Variants in NFIA observed in about 807,000 individuals in gnomAD.
NFIA encodes nuclear factor I A.
In NFIA, 8 loss-of-function variants were observed where a neutral mutation model predicts 62.8. That is an observed-to-expected ratio of 0.13 (90% CI 0.07 to 0.23). The LOEUF (loss-of-function observed/expected upper bound fraction) is 0.23. Ranked by LOEUF, NFIA falls within the 10% of genes least tolerant of loss-of-function variation. NFIA has a pLI of 1.00. For missense variants in NFIA, 410 were observed against 642.1 expected, an observed-to-expected ratio of 0.64 and a Z score of 3.91; for synonymous variants, 235 against 238.1, an observed-to-expected ratio of 0.99 and a Z score of 0.12.
intron 2 of NFIA, among the ~76,000 whole-genome samples, chr1:61,104,676 T>A (rs2100442293): frequency 6.6e-6 from 1 of 152,154 alleles, no homozygotes; most frequent in East Asian, 1.9e-4. Flanking sequence ...CATAAAGTGT[T>A]TCTGTCTGGC....
intron 4 of NFIA, among the ~76,000 whole-genome samples, chr1:61,337,933 A>G (rs554942525): frequency 2.8e-4 from 43 of 152,292 alleles, no homozygotes; most frequent in Middle Eastern, 3.4e-3. Flanking sequence ...TTTCCTTCCA[A>G]ATTGCTGACT....
At chr1:61,194,643 T>C (rs1316198189) in intron 2 of NFIA, among the ~76,000 whole-genome samples, 1 of 152,146 alleles carries the variant, frequency 6.6e-6, no homozygotes, top group Non-Finnish European at 1.5e-5. Flanking sequence ...TGGAAAGAAA[T>C]ATGGCCTTGA....
intron 2 of NFIA, among the ~76,000 whole-genome samples, chr1:61,163,869 C>T (rs1649389375): frequency 6.6e-6 from 1 of 152,150 alleles, no homozygotes; most frequent in Non-Finnish European, 1.5e-5. Context: ...GCCCATGTCC[C>T]ATTGAAAGGC....
chr1:61,204,401 A>G (rs761966648), intron 2 of NFIA, among the ~76,000 whole-genome samples: 22 of 152,196 alleles, frequency 1.4e-4, no homozygotes, highest in Non-Finnish European at 2.8e-4. Context: ...CCATGCATCT[A>G]TTTGGATTTA....
intron 1 of NFIA, among the ~76,000 whole-genome samples, chr1:61,086,852 C>A (rs1372187807): frequency 6.6e-6 from 1 of 152,056 alleles, no homozygotes; most frequent in Non-Finnish European, 1.5e-5. Flanking sequence ...TTAGATATAA[C>A]AAACTGAAAA....
intron 3 of NFIA, among the ~76,000 whole-genome samples, chr1:61,298,895 T>A (rs2100325285): frequency 6.6e-6 from 1 of 152,364 alleles, no homozygotes; most frequent in African/African-American, 2.4e-5. Context: ...TGTTTCAAAG[T>A]GACTGCGTTA....
At chr1:61,354,648 T>C (rs1295996794) in intron 5 of NFIA, among the ~76,000 whole-genome samples, 2 of 152,182 alleles carry the variant, frequency 1.3e-5, no homozygotes, top group African/African-American at 2.4e-5. Flanking sequence ...TTTAAAAATA[T>C]GCTCTTTTCA....
intron 3 of NFIA, among the ~76,000 whole-genome samples, chr1:61,312,071 C>A (rs1660148446): frequency 6.6e-6 from 1 of 152,200 alleles, no homozygotes; most frequent in Non-Finnish European, 1.5e-5. Context: ...TGGCTGCCAC[C>A]AAAGTGTGGG....
At chr1:61,374,473 C>A (rs1053244267) in intron 6 of NFIA, among the ~76,000 whole-genome samples, 1 of 152,068 alleles carries the variant, frequency 6.6e-6, no homozygotes, top group African/African-American at 2.4e-5. Context: ...GGAAATCCCC[C>A]AACTAGTCAA....
Position 61,265,642 on chromosome 1 carries a change from A to G in NFIA, c.560-11878A>G, listed in dbSNP as rs147130430. Reference sequence around the variant, plus strand: ...TGGAAATTGAAAACACATTATTTTAATAATATAACGTAGAGAAGGTATATC... The same window carrying G: ...TGGAAATTGAAAACACATTATTTTAGTAATATAACGTAGAGAAGGTATATC... On this transcript the variant is annotated intron_variant, in intron 2 of 10. Coordinates refer to ENST00000403491, the MANE Select transcript of NFIA (RefSeq NM_001134673.4). Among the ~76,000 whole-genome samples the G allele has an allele frequency of 3.0e-3, 450 of 152,348 alleles. 1 individual carries two copies. Among genetic ancestry groups the G allele is most frequent in the Admixed American group, 8.4e-3 (128 of 15,304 alleles).
intron 3 of NFIA, among the ~76,000 whole-genome samples, chr1:61,286,243 C>T (rs1658485141): frequency 6.6e-6 from 1 of 151,202 alleles, no homozygotes; most frequent in East Asian, 2.0e-4. Context: ...CTGGCTAACA[C>T]TGTGAAACCC....
intron 2 of NFIA, among the ~76,000 whole-genome samples, chr1:61,218,422 C>T (rs1331547553): frequency 6.6e-6 from 1 of 152,190 alleles, no homozygotes; most frequent in Non-Finnish European, 1.5e-5. Context: ...GACATTCCCA[C>T]AGATGATAAA....
intron 2 of NFIA, among the ~76,000 whole-genome samples, chr1:61,192,471 G>A (rs756449114): frequency 5.3e-5 from 8 of 152,102 alleles, no homozygotes; most frequent in Non-Finnish European, 1.2e-4. Flanking sequence ...GGAGGCCATG[G>A]TGGGCAGATG....
intron 2 of NFIA, among the ~76,000 whole-genome samples, chr1:61,200,359 G>T (rs932323460): frequency 1.3e-5 from 2 of 151,650 alleles, no homozygotes; most frequent in Non-Finnish European, 2.9e-5. Context: ...ACTATTGAAA[G>T]TACCCATTAG....
intron 9 of NFIA, among the ~76,000 whole-genome samples, chr1:61,412,183 G>T (rs1666134091): frequency 6.6e-6 from 1 of 152,140 alleles, no homozygotes; most frequent in Non-Finnish European, 1.5e-5. Flanking sequence ...CAGCATTCTA[G>T]GTATAAGGGA....
upstream of NFIA, chr1:61,082,018 C>T (rs771057784): frequency 7.7e-6 from 12 of 1,549,436 alleles, no homozygotes; most frequent in East Asian, 2.4e-5. Context: ...GCGGGGCAAC[C>T]TGGCAAAGTT....
chr1:61,355,585 A>AT lies in NFIA; in HGVS notation c.818+3029dup, dbSNP rs113750240. ...TTTTCCATGCTCCCTCCAGATGTTA[A>AT]TTTTTTTTTTTCTCCAATAGAGACA... On this transcript the variant is annotated intron_variant, in intron 5 of 10. Transcript: ENST00000403491. Among the ~76,000 whole-genome samples, 383 of 148,682 alleles carry AT rather than the reference A, an allele frequency of 2.6e-3. 6 individuals carry two copies. Among genetic ancestry groups the AT allele is most frequent in the Admixed American group, 0.018 (269 of 14,874 alleles).
chr1:61,243,486 C>CTT (rs1655463880), intron 2 of NFIA, among the ~76,000 whole-genome samples: 1 of 152,138 alleles, frequency 6.6e-6, no homozygotes, highest in Non-Finnish European at 1.5e-5. Context: ...TACAGTAAAT[C>CTT]ATAGTGCATT....
chr1:61,385,933 T>C (rs1664660690), intron 7 of NFIA: 1 of 152,198 alleles, frequency 6.6e-6, no homozygotes, highest in Non-Finnish European at 1.5e-5. Flanking sequence ...AGGTACCCGT[T>C]CTTACCGTGT....
Sources: allele counts gnomAD v4.1 joint callset (sites outside exome capture counted in the v4.1 genomes callset), GRCh38; gene constraint gnomAD v4.1.1; transcripts MANE v1.5; gene names NCBI Gene and HGNC (gene_info 2026-07-23, HGNC 2026-07-21).